The following GRIP1 variants were observed in gnomAD, a reference collection of about 807,000 sequenced individuals.
GRIP1 encodes the protein glutamate receptor interacting protein 1.
In GRIP1, 45 loss-of-function variants were observed where a neutral mutation model predicts 129.9. The observed-to-expected ratio is 0.35, with a 90% CI of 0.27 to 0.44. The LOEUF is 0.44. Ranked by LOEUF, GRIP1 falls within the 20% of genes least tolerant of loss-of-function variation. The probability of loss-of-function intolerance (pLI) is 1.00; values close to 1 mark genes in which losing one functional copy is unlikely to be tolerated. For synonymous variants in GRIP1, 530 were observed against 520.8 expected, an observed-to-expected ratio of 1.02 and a Z score of -0.24; for missense variants, 1,196 against 1,396.8, an observed-to-expected ratio of 0.86 and a Z score of 2.29.
intron 5 of GRIP1, among the ~76,000 whole-genome samples, chr12:66,525,505 A>G (rs1196868049): frequency 6.6e-6 from 1 of 150,848 alleles, no homozygotes; most frequent in Admixed American, 6.6e-5. Flanking sequence ...AACTCTCAAT[A>G]AATTAGGTAT....
chr12:66,545,044 G>A (rs1343552112), intron 2 of GRIP1, among the ~76,000 whole-genome samples: 1 of 151,996 alleles, frequency 6.6e-6, no homozygotes, highest in Non-Finnish European at 1.5e-5. Context: ...CAATTAAGAG[G>A]ACCTTGTAGG....
chr12:66,576,586 A>G lies in GRIP1; in HGVS notation c.136+20261T>C, dbSNP rs112003884. ...TCAAATATCAGTCCCGTTGTTGGGT[A>G]GACTTGGACAAGTTACCTAAGCCTC... On this transcript the variant is annotated intron_variant, in intron 2 of 24. Transcript: ENST00000359742. 8.1e-3 allele frequency among the ~76,000 whole-genome samples: 1,240 copies of G among 152,362 alleles called. 13 individuals carry two copies. Among genetic ancestry groups the G allele is most frequent in the Non-Finnish European group, 9.5e-3 (648 of 68,038 alleles).
At chr12:66,421,381 G>T (rs1388779422) in intron 14 of GRIP1, among the ~76,000 whole-genome samples, 2 of 151,944 alleles carry the variant, frequency 1.3e-5, no homozygotes, top group African/African-American at 4.8e-5. Context: ...CCACCTCTAC[G>T]AAAAACACAA....
chr12:66,922,269 T>C (rs1232760808), intron 1 of GRIP1, among the ~76,000 whole-genome samples: 2 of 152,218 alleles, frequency 1.3e-5, no homozygotes, highest in Admixed American at 6.5e-5. Context: ...GCAATTTACA[T>C]GGTGCAAGGC....
intron 1 of GRIP1, among the ~76,000 whole-genome samples, chr12:66,961,955 T>C (rs2041928030): frequency 6.6e-6 from 1 of 152,166 alleles, no homozygotes; most frequent in Non-Finnish European, 1.5e-5. Context: ...CCATAAAAAC[T>C]TTTTAAAAAG....
chr12:66,452,852 T>C (rs1018773276), intron 11 of GRIP1, among the ~76,000 whole-genome samples: 1 of 152,114 alleles, frequency 6.6e-6, no homozygotes, highest in Non-Finnish European at 1.5e-5. Context: ...AAAAAAATCC[T>C]CACTTAAAAA....
At chr12:66,723,892 G>A (rs984063065) in intron 1 of GRIP1, among the ~76,000 whole-genome samples, 1 of 152,124 alleles carries the variant, frequency 6.6e-6, no homozygotes, top group Non-Finnish European at 1.5e-5. Flanking sequence ...AATGAAACAG[G>A]TATTTCTTTG....
intron 1 of GRIP1, among the ~76,000 whole-genome samples, chr12:66,697,884 C>T (rs1031383290): frequency 1.3e-4 from 19 of 151,700 alleles, no homozygotes; most frequent in African/African-American, 4.4e-4. Context: ...CAAATCAAGA[C>T]CCCCTCAACA....
chr12:66,628,710 T>A (rs1426813316), intron 1 of GRIP1, among the ~76,000 whole-genome samples: 1 of 152,224 alleles, frequency 6.6e-6, no homozygotes, highest in African/African-American at 2.4e-5. Flanking sequence ...TATTTTTGAT[T>A]GTCACAACTG....
At chr12:66,459,713 C>A (rs2059077855) in intron 9 of GRIP1, among the ~76,000 whole-genome samples, 1 of 152,128 alleles carries the variant, frequency 6.6e-6, no homozygotes, top group African/African-American at 2.4e-5. Context: ...TAAGATAATG[C>A]ACAAAACTGT....
intron 1 of GRIP1, among the ~76,000 whole-genome samples, chr12:66,648,068 C>T (rs1425780179): frequency 6.6e-6 from 1 of 152,132 alleles, no homozygotes; most frequent in Non-Finnish European, 1.5e-5. Flanking sequence ...TCCCTCCACC[C>T]ACTCTTCCCC....
At chr12:66,641,837 C>T (rs988288244) in intron 1 of GRIP1, among the ~76,000 whole-genome samples, 5 of 152,248 alleles carry the variant, frequency 3.3e-5, no homozygotes, top group African/African-American at 1.2e-4. Context: ...AGATCATGTT[C>T]CTACTGAACA....
chr12:66,513,693 C>T (rs2060765449), intron 7 of GRIP1, among the ~76,000 whole-genome samples: 1 of 152,106 alleles, frequency 6.6e-6, no homozygotes, highest in South Asian at 2.1e-4. Flanking sequence ...CCTTGAGGAA[C>T]TCTTAAAATG....
At chr12:66,557,841 T>C (rs2062387440) in intron 2 of GRIP1, among the ~76,000 whole-genome samples, 1 of 152,098 alleles carries the variant, frequency 6.6e-6, no homozygotes, top group Non-Finnish European at 1.5e-5. Flanking sequence ...AAGTTATAGC[T>C]ATTAATACTA....
chr12:66,581,386 G>A (rs2063372644), intron 2 of GRIP1, among the ~76,000 whole-genome samples: 1 of 150,726 alleles, frequency 6.6e-6, no homozygotes. Flanking sequence ...CTAGCAGAAG[G>A]CAAGAAATAA....
chr12:66,368,540 G>C (rs1367514569), intron 23 of GRIP1, among the ~76,000 whole-genome samples: 3 of 152,146 alleles, frequency 2.0e-5, no homozygotes, highest in Non-Finnish European at 4.4e-5. Flanking sequence ...ATTTGGAAAA[G>C]AGTACCAAGG....
intron 2 of GRIP1, among the ~76,000 whole-genome samples, chr12:66,570,606 C>T (rs1565871983): frequency 6.6e-6 from 1 of 152,158 alleles, no homozygotes; most frequent in African/African-American, 2.4e-5. Context: ...TTAGCATTCT[C>T]TAAGTCTATA....
At chr12:66,629,985 CT>C (rs913871282) in intron 1 of GRIP1, among the ~76,000 whole-genome samples, 24 of 151,428 alleles carry the variant, frequency 1.6e-4, no homozygotes, top group African/African-American at 5.1e-4. Flanking sequence ...CCTTTACACA[CT>C]TTTTTTTTAA....
At chr12:66,362,031 A>T (rs1013359319) in intron 23 of GRIP1, among the ~76,000 whole-genome samples, 4 of 152,070 alleles carry the variant, frequency 2.6e-5, no homozygotes, top group Non-Finnish European at 5.9e-5. Flanking sequence ...CCACTGTAGA[A>T]ATTGCCGATG....
Sources: allele counts gnomAD v4.1 joint callset (sites outside exome capture counted in the v4.1 genomes callset), GRCh38; gene constraint gnomAD v4.1.1; transcripts MANE v1.5; gene names NCBI Gene and HGNC (gene_info 2026-07-23, HGNC 2026-07-21).